PCBD2: variants seen among roughly 807,000 people sequenced by gnomAD.
PCBD2 encodes pterin-4 alpha-carbinolamine dehydratase 2.
PCBD2 carries 12 observed loss-of-function variants against 16.4 expected under a neutral mutation model. That is an observed-to-expected ratio of 0.73 (90% CI 0.47 to 1.19). PCBD2 has a LOEUF of 1.19. Among genes scored for constraint, PCBD2 ranks in the 50% most tolerant of loss-of-function variants. PCBD2 has a pLI of 0.00. For synonymous variants in PCBD2, 58 were observed against 61.8 expected, an observed-to-expected ratio of 0.94 and a Z score of 0.29; for missense variants, 138 against 156.8, an observed-to-expected ratio of 0.88 and a Z score of 0.64.
At chr5:134,947,382 G>A (rs775710116) in intron 2 of PCBD2, among the ~76,000 whole-genome samples, 26 of 145,928 alleles carry the variant, frequency 1.8e-4, no homozygotes, top group Non-Finnish European at 2.8e-4. Flanking sequence ...CATCGCGCCC[G>A]GCCTCAATTT....
At chr5:134,918,007 A>G (rs1561907562) in intron 2 of PCBD2, among the ~76,000 whole-genome samples, 1 of 152,220 alleles carries the variant, frequency 6.6e-6, no homozygotes, top group South Asian at 2.1e-4. Context: ...AGTCTTAACA[A>G]TCCTCCACAG....
chr5:134,953,930 TA>T (rs1323823445), intron 2 of PCBD2, among the ~76,000 whole-genome samples: 6 of 152,188 alleles, frequency 3.9e-5, no homozygotes, highest in African/African-American at 1.4e-4. Flanking sequence ...TAGTTTATAT[TA>T]TTTTTCAGTC....
chr5:134,923,534 A>G, intron 2 of PCBD2: 1 of 304,864 alleles, frequency 3.3e-6, no homozygotes, highest in East Asian at 5.3e-5. Context: ...TGAGGGTGGG[A>G]CTATCTACTG....
rs555926842 is a variant in PCBD2, at chr5:134,918,564, T to G, written c.216+8098T>G. ...TTGATTTGAAAGTATAAGCTAGTGT[T>G]TGTGTGTCTGGCACCAGGTAAAGTG... is the stretch of plus-strand genomic sequence containing the variant. On this transcript the variant is annotated intron_variant, in intron 2 of 3. Transcript: ENST00000254908. 2.6e-5 allele frequency among the ~76,000 whole-genome samples: 4 copies of G among 152,238 alleles called. No homozygotes were observed. The South Asian group carries it at 8.3e-4, about 32-fold the overall frequency.
intron 3 of PCBD2, among the ~76,000 whole-genome samples, chr5:134,959,925 C>T (rs1220218364): frequency 8.7e-6 from 1 of 114,568 alleles, no homozygotes; most frequent in Non-Finnish European, 1.6e-5. Context: ...GAGTCTGGCT[C>T]TGTTGCCCAG....
intron 1 of PCBD2, among the ~76,000 whole-genome samples, chr5:134,906,978 A>C (rs992813714): frequency 7.2e-5 from 11 of 152,188 alleles, no homozygotes; most frequent in African/African-American, 2.7e-4. Flanking sequence ...AAGTGGCTCC[A>C]TTTCCCAGTC....
At chr5:134,919,163 C>T (rs1210710505) in intron 2 of PCBD2, among the ~76,000 whole-genome samples, 1 of 152,172 alleles carries the variant, frequency 6.6e-6, no homozygotes, top group East Asian at 1.9e-4. Flanking sequence ...TAAAGTCAAG[C>T]AGCCAAGAAG....
chr5:134,925,902 T>C (rs1195765863), intron 2 of PCBD2: 2 of 392,882 alleles, frequency 5.1e-6, no homozygotes, highest in African/African-American at 4.1e-5. Context: ...GAAATCATGC[T>C]AGGGCAAGGA....
intron 3 of PCBD2, among the ~76,000 whole-genome samples, chr5:134,959,589 C>T (rs1217578837): frequency 1.3e-5 from 2 of 152,148 alleles, no homozygotes; most frequent in Non-Finnish European, 2.9e-5. Context: ...TTTGAGGGAA[C>T]ACAGTGAGAA....
At chr5:134,953,195 C>A (rs1253552459) in intron 2 of PCBD2, among the ~76,000 whole-genome samples, 1 of 151,690 alleles carries the variant, frequency 6.6e-6, no homozygotes, top group Non-Finnish European at 1.5e-5. Context: ...ATGGCAGAAC[C>A]AAAATACTTT....
In PCBD2 at chr5:134,962,066, AAC is replaced by A. The variant is rs558212556; in HGVS notation, c.*1387_*1388del. ...GTGAGCCATTGCCCCCAGCCAGTATAACAGTTTGTGTGTGTGTGTGTGTGTGT... is the reference window on the plus strand; with the variant it reads ...GTGAGCCATTGCCCCCAGCCAGTATAAGTTTGTGTGTGTGTGTGTGTGTGT... On this transcript the variant is annotated 3_prime_UTR_variant, in exon 4 of 4. Transcript: ENST00000254908. Among the ~76,000 whole-genome samples the A allele has an allele frequency of 5.4e-4, 74 of 137,390 alleles. No individual in the cohort carries two copies. The highest frequency in any genetic ancestry group is 2.1e-3 in the African/African-American group (72 of 34,774). The allele number at this position is 137,390 out of a possible 152,430, so 90.1% of individuals were successfully genotyped here.
Position 134,960,704 on chromosome 5 carries a change from ATCT to A in PCBD2, c.*25_*27del, listed in dbSNP as rs895628355. ...TGATTTCTTCCAAAATACATGTAAAATCTTGTACACATCTTAGCTGCAATGTAT... is the reference window on the plus strand; with the variant it reads ...TGATTTCTTCCAAAATACATGTAAAATGTACACATCTTAGCTGCAATGTAT... On this transcript the variant is annotated 3_prime_UTR_variant, in exon 4 of 4. Coordinates refer to ENST00000254908, the MANE Select transcript of PCBD2 (RefSeq NM_032151.5). 2 of 1,537,280 alleles carry A rather than the reference ATCT, an allele frequency of 1.3e-6. No homozygotes were observed. Among genetic ancestry groups the A allele is most frequent in the Admixed American group, 3.4e-5 (2 of 59,332 alleles).
intron 2 of PCBD2, among the ~76,000 whole-genome samples, chr5:134,949,968 AATTG>A (rs1233629290): frequency 6.6e-6 from 1 of 152,252 alleles, no homozygotes; most frequent in Non-Finnish European, 1.5e-5. Flanking sequence ...TAATTACTTT[AATTG>A]ATCACAAGAT....
intron 2 of PCBD2, chr5:134,923,248 A>T (rs1304913933): frequency 1.3e-5 from 2 of 153,276 alleles, no homozygotes; most frequent in Admixed American, 6.5e-5. Context: ...GAGTGCTGTG[A>T]GAGAGAATAA....
chr5:134,938,249 C>A (rs1015232574), intron 2 of PCBD2, among the ~76,000 whole-genome samples: 2 of 152,188 alleles, frequency 1.3e-5, no homozygotes, highest in African/African-American at 2.4e-5. Flanking sequence ...TCTCCAGATC[C>A]GTCATTGTTG....
intron 3 of PCBD2, among the ~76,000 whole-genome samples, chr5:134,959,883 C>CTTTTTTTTTTT (rs776164485): frequency 2.7e-5 from 2 of 73,022 alleles, no homozygotes; most frequent in African/African-American, 6.2e-5. Context: ...TAGAAATGTG[C>CTTTTTTTTTTT]TTTTTTTTTT....
At chr5:134,927,188 T>G (rs1450596994) in intron 2 of PCBD2, 17 of 398,406 alleles carry the variant, frequency 4.3e-5, no homozygotes, top group Non-Finnish European at 7.1e-5. Flanking sequence ...CAATGAGCGA[T>G]TTTAGGTCTG....
chr5:134,939,093 G>A (rs770112255), intron 2 of PCBD2, among the ~76,000 whole-genome samples: 1 of 151,770 alleles, frequency 6.6e-6, no homozygotes, highest in African/African-American at 2.4e-5. Context: ...AATCATGTTT[G>A]GAATATACCT....
intron 2 of PCBD2, chr5:134,923,811 C>T (rs910791413): frequency 1.3e-5 from 5 of 393,548 alleles, no homozygotes; most frequent in African/African-American, 4.1e-5. Context: ...GTGAAGGTAG[C>T]GGATGATTCA....
Sources: allele counts gnomAD v4.1 joint callset (sites outside exome capture counted in the v4.1 genomes callset), GRCh38; gene constraint gnomAD v4.1.1; transcripts MANE v1.5; gene names NCBI Gene and HGNC (gene_info 2026-07-23, HGNC 2026-07-21).